CPQ: variants seen among roughly 807,000 people sequenced by gnomAD.
The protein encoded by CPQ is carboxypeptidase Q.
In CPQ, 37 loss-of-function variants were observed where a neutral mutation model predicts 45.7. The ratio of observed to expected loss-of-function variants is 0.81; its 90% CI spans 0.62 to 1.07. The LOEUF is 1.07. CPQ is among the 50% of genes least tolerant of loss of function. The pLI, the probability that CPQ is intolerant of heterozygous loss-of-function variation, is 0.00. For synonymous variants in CPQ, 186 were observed against 205.8 expected, an observed-to-expected ratio of 0.90 and a Z score of 0.82; for missense variants, 537 against 572.9, an observed-to-expected ratio of 0.94 and a Z score of 0.64.
chr8:96,813,380 C>T (rs1002052090), intron 2 of CPQ, among the ~76,000 whole-genome samples: 2 of 152,138 alleles, frequency 1.3e-5, no homozygotes, highest in East Asian at 1.9e-4. Context: ...CACTGACAGT[C>T]TTTCTAAGGT....
chr8:96,843,661 A>C (rs1242705826), intron 3 of CPQ, among the ~76,000 whole-genome samples: 1 of 152,242 alleles, frequency 6.6e-6, no homozygotes, highest in Admixed American at 6.5e-5. Context: ...CCTGGCACAC[A>C]GTAGTGCTGG....
chr8:96,719,363 C>A (rs1289506702), intron 1 of CPQ, among the ~76,000 whole-genome samples: 1 of 152,212 alleles, frequency 6.6e-6, no homozygotes, highest in African/African-American at 2.4e-5. Flanking sequence ...GCTGGCAGGG[C>A]TGGCCGGCTG....
At chr8:97,080,911 T>TCTTTCCTTCCTTCCTTCCTC in intron 7 of CPQ, among the ~76,000 whole-genome samples, 1 of 151,726 alleles carries the variant, frequency 6.6e-6, no homozygotes, top group East Asian at 2.0e-4. Context: ...TACCCACCCT[T>TCTTTCCTTCCTTCCTTCCTC]CTTTCCTTCC....
intron 1 of CPQ, among the ~76,000 whole-genome samples, chr8:96,674,389 G>A (rs1470598299): frequency 6.6e-6 from 1 of 152,110 alleles, no homozygotes; most frequent in East Asian, 1.9e-4. Context: ...GCATAGTTTG[G>A]TAGTCTCTAA....
At chr8:96,848,442 T>G (rs1811728426) in intron 3 of CPQ, among the ~76,000 whole-genome samples, 1 of 152,242 alleles carries the variant, frequency 6.6e-6, no homozygotes, top group Non-Finnish European at 1.5e-5. Context: ...AAAAATATCT[T>G]GTTTTGATTA....
At chr8:97,054,839 A>T (rs1810424622) in intron 6 of CPQ, among the ~76,000 whole-genome samples, 2 of 152,224 alleles carry the variant, frequency 1.3e-5, no homozygotes, top group African/African-American at 2.4e-5. Flanking sequence ...TATTCGGGTT[A>T]CGGGTGCACT....
chr8:96,782,900 A>G (rs1001707417), intron 1 of CPQ, among the ~76,000 whole-genome samples: 1 of 152,162 alleles, frequency 6.6e-6, no homozygotes, highest in African/African-American at 2.4e-5. Context: ...CCACTTAATA[A>G]CAAGGATAGC....
rs1396588212 is a variant in CPQ, at chr8:96,794,209, T to G, written c.433+8879T>G. 2.6e-5 allele frequency among the ~76,000 whole-genome samples: 4 copies of G among 152,320 alleles called. No individual in the cohort carries two copies. The Middle Eastern group carries it at 0.01, about 389-fold the overall frequency. On this transcript the variant is annotated intron_variant, in intron 2 of 7. Coordinates refer to ENST00000220763, the MANE Select transcript of CPQ (RefSeq NM_016134.4). ...AATGCCCCTACAGCAAACTTCTACC[T>G]GGACATCCAGATGTTTCCATACATC...
At chr8:96,826,886 T>C (rs1811386597) in intron 2 of CPQ, among the ~76,000 whole-genome samples, 1 of 152,058 alleles carries the variant, frequency 6.6e-6, no homozygotes, top group Non-Finnish European at 1.5e-5. Context: ...AGTATTTGAT[T>C]TACTGTTTCT....
At chr8:96,867,269 A>G (rs1463331860) in intron 3 of CPQ, among the ~76,000 whole-genome samples, 5 of 152,094 alleles carry the variant, frequency 3.3e-5, no homozygotes, top group African/African-American at 1.2e-4. Context: ...CTGCAAAATG[A>G]AGGAAGGAAC....
chr8:97,141,302 A>G (rs1812156685), intron 7 of CPQ, among the ~76,000 whole-genome samples: 1 of 152,126 alleles, frequency 6.6e-6, no homozygotes, highest in Admixed American at 6.5e-5. Flanking sequence ...AGAAGTGTCT[A>G]AATTATGCCA....
intron 6 of CPQ, among the ~76,000 whole-genome samples, chr8:97,036,184 C>T (rs775119434): frequency 3.9e-5 from 6 of 152,010 alleles, no homozygotes; most frequent in South Asian, 2.1e-4. Context: ...TAACCACGGC[C>T]GACTCCCAAG....
At chr8:96,920,932 A>G (rs926399311) in intron 4 of CPQ, among the ~76,000 whole-genome samples, 11 of 152,220 alleles carry the variant, frequency 7.2e-5, no homozygotes, top group Admixed American at 6.5e-4. Context: ...ATTTTGTTAC[A>G]GCAGCTAAGC....
At chr8:96,928,864 G>A (rs898944058) in intron 4 of CPQ, among the ~76,000 whole-genome samples, 4 of 152,148 alleles carry the variant, frequency 2.6e-5, no homozygotes, top group South Asian at 2.1e-4. Flanking sequence ...GTTTGGATTC[G>A]GGTCTGATTT....
chr8:96,910,175 C>T (rs1307500038), intron 4 of CPQ, among the ~76,000 whole-genome samples: 1 of 152,070 alleles, frequency 6.6e-6, no homozygotes, highest in Admixed American at 6.5e-5. Context: ...GGGTTTTTTT[C>T]CCCTTCTTTC....
At chr8:97,067,486 A>G (rs1165707065) in intron 7 of CPQ, among the ~76,000 whole-genome samples, 2 of 152,202 alleles carry the variant, frequency 1.3e-5, no homozygotes, top group Non-Finnish European at 2.9e-5. Flanking sequence ...TTTCAGAGGT[A>G]CTAAAACAGT....
At chr8:96,815,012 C>T (rs1013233161) in intron 2 of CPQ, among the ~76,000 whole-genome samples, 7 of 152,076 alleles carry the variant, frequency 4.6e-5, no homozygotes, top group African/African-American at 1.7e-4. Flanking sequence ...CCCACTTTGC[C>T]AGCGGAGGGT....
intron 1 of CPQ, among the ~76,000 whole-genome samples, chr8:96,721,103 T>C (rs1007686634): frequency 7.9e-5 from 12 of 152,050 alleles, no homozygotes; most frequent in Non-Finnish European, 7.4e-5. Flanking sequence ...GTACAGCCCA[T>C]CTCTCAGCAA....
At chr8:97,139,119 G>A (rs1812112367) in intron 7 of CPQ, among the ~76,000 whole-genome samples, 1 of 152,156 alleles carries the variant, frequency 6.6e-6, no homozygotes, top group Admixed American at 6.5e-5. Context: ...AGAACTAGGT[G>A]TGCCTATCTT....
Sources: allele counts gnomAD v4.1 joint callset (sites outside exome capture counted in the v4.1 genomes callset), GRCh38; gene constraint gnomAD v4.1.1; transcripts MANE v1.5; gene names NCBI Gene and HGNC (gene_info 2026-07-23, HGNC 2026-07-21).